Variants in P4HA1 observed in about 807,000 individuals in gnomAD.
P4HA1 encodes the protein prolyl 4-hydroxylase subunit alpha-1.
P4HA1 carries 24 observed loss-of-function variants against 72.8 expected under a neutral mutation model. The ratio of observed to expected loss-of-function variants is 0.33; its 90% CI spans 0.24 to 0.46. The LOEUF (loss-of-function observed/expected upper bound fraction) is 0.46. P4HA1 is among the 20% of genes least tolerant of loss of function. P4HA1 has a pLI of 1.00. For missense variants in P4HA1, 446 were observed against 640.6 expected (o/e 0.70, Z 3.28); for synonymous variants, 201 against 218.8 (o/e 0.92, Z 0.72).
At chr10:73,078,072 A>G (rs1841741934) in intron 1 of P4HA1, among the ~76,000 whole-genome samples, 1 of 150,884 alleles carries the variant, frequency 6.6e-6, no homozygotes, top group East Asian at 1.9e-4. Context: ...ATGTGTCAAA[A>G]AAAAAAAAAA....
intron 7 of P4HA1, among the ~76,000 whole-genome samples, chr10:73,050,183 T>A (rs1840985909): frequency 6.9e-6 from 1 of 145,512 alleles, no homozygotes. Context: ...AAAAAAAAAA[T>A]ACTGCTGAAA....
chr10:73,059,023 C>T (rs2133109863), intron 5 of P4HA1, among the ~76,000 whole-genome samples: 1 of 152,024 alleles, frequency 6.6e-6, no homozygotes, highest in East Asian at 1.9e-4. Flanking sequence ...GGTGATCCAC[C>T]CACCTTGGCC....
intron 1 of P4HA1, among the ~76,000 whole-genome samples, chr10:73,095,829 T>C (rs1842152616): frequency 6.6e-6 from 1 of 152,210 alleles, no homozygotes; most frequent in South Asian, 2.1e-4. Flanking sequence ...GTCTAAACAT[T>C]GAATTTGTAT....
At chr10:73,090,361 T>G (rs922704416) in intron 1 of P4HA1, among the ~76,000 whole-genome samples, 1 of 151,868 alleles carries the variant, frequency 6.6e-6, no homozygotes, top group Non-Finnish European at 1.5e-5. Flanking sequence ...CTGGAACTCC[T>G]GGGCTCAAGC....
chr10:73,010,934 A>T (rs1589569041), intron 13 of P4HA1, 35 bp downstream of exon 13: 2 of 1,540,606 alleles, frequency 1.3e-6, no homozygotes, highest in East Asian at 4.5e-5. Flanking sequence ...TTAGGGAAAA[A>T]ATTAATAAAC....
At chr10:73,071,608 C>T (rs1841568160) in intron 4 of P4HA1, among the ~76,000 whole-genome samples, 1 of 151,878 alleles carries the variant, frequency 6.6e-6, no homozygotes, top group South Asian at 2.1e-4. Flanking sequence ...TTTGATTGTC[C>T]ACATTGAGCA....
At chr10:73,050,820 T>C (rs1841002102) in intron 7 of P4HA1, among the ~76,000 whole-genome samples, 1 of 152,060 alleles carries the variant, frequency 6.6e-6, no homozygotes, top group Admixed American at 6.6e-5. Flanking sequence ...TCCTCCCACC[T>C]CAGACTCCTG....
At chr10:73,095,312 T>C (rs1329344316) in intron 1 of P4HA1, among the ~76,000 whole-genome samples, 1 of 151,726 alleles carries the variant, frequency 6.6e-6, no homozygotes, top group Non-Finnish European at 1.5e-5. Context: ...GGTTGTTCAC[T>C]TTCAGCTTCT....
In P4HA1 at chr10:73,035,352, C is replaced by CA. The variant is rs574570098; in HGVS notation, c.1149-4983dup. ...GAAACATAGCAAGACCCCGTCTTTA[C>CA]AAAAAAAATTAAAATAAATTAATGA... is the stretch of plus-strand genomic sequence containing the variant. On this transcript the variant is annotated intron_variant, in intron 9 of 14. Transcript: ENST00000394890. 1.5e-4 allele frequency among the ~76,000 whole-genome samples: 23 copies of CA among 151,794 alleles called. No individual in the cohort carries two copies. In the South Asian group the frequency reaches 4.8e-3, roughly 32 times the overall value.
rs1467434191 is a variant in P4HA1, at chr10:73,059,415, CAATAT to C, written c.464-5830_464-5826del. ...GACAACCCCGGGCAAAATAATGAGA[CAATAT>C]ATTTAAAAAAAAAAAAAAAAAAAAA... On this transcript the variant is annotated intron_variant, in intron 5 of 14. Transcript: ENST00000394890. Among the ~76,000 whole-genome samples the C allele has an allele frequency of 4.1e-3, 158 of 38,488 alleles. 2 individuals are homozygous for C. Among genetic ancestry groups the C allele is most frequent in the African/African-American group, 0.014 (151 of 10,882 alleles). 25.2% of individuals were successfully genotyped at this position (38,488 alleles called of 152,430 possible).
At chr10:73,094,554 T>C (rs1331589349) in intron 1 of P4HA1, among the ~76,000 whole-genome samples, 1 of 152,190 alleles carries the variant, frequency 6.6e-6, no homozygotes, top group African/African-American at 2.4e-5. Flanking sequence ...TCAAGAGCAA[T>C]AATTATATCC....
chr10:73,088,029 A>ATT (rs1460046123), intron 1 of P4HA1, among the ~76,000 whole-genome samples: 1 of 152,140 alleles, frequency 6.6e-6, no homozygotes, highest in East Asian at 1.9e-4. Flanking sequence ...TCTTTCAAAT[A>ATT]TTTTATAGCT....
intron 9 of P4HA1, among the ~76,000 whole-genome samples, chr10:73,037,326 A>AAG: frequency 6.7e-6 from 1 of 149,264 alleles, no homozygotes; most frequent in East Asian, 2.0e-4. Context: ...AAAAAAAAAA[A>AAG]CTTCATGATT....
intron 4 of P4HA1, among the ~76,000 whole-genome samples, chr10:73,070,841 C>A (rs929604017): frequency 6.6e-6 from 1 of 152,070 alleles, no homozygotes; most frequent in Middle Eastern, 3.2e-3. Flanking sequence ...CATTATAAAA[C>A]AACTTAGTTC....
Position 73,046,896 on chromosome 10 carries a change from T to A in P4HA1, c.1077+29A>T, listed in dbSNP as rs567978010. On this transcript the variant is annotated intron_variant, in intron 8 of 14. Coordinates refer to ENST00000394890, the MANE Select transcript of P4HA1 (RefSeq NM_001017962.3). ...AAATTGATACAAAGGTACAGTAAAT[T>A]GAGGAGAAAGAAAGAAAACATTATT... 8.1e-6 allele frequency: 12 copies of A among 1,487,538 alleles called. No homozygotes were observed. In the South Asian group the frequency reaches 1.4e-4, roughly 18 times the overall value. 92.1% of individuals were successfully genotyped at this position (1,487,538 alleles called of 1,614,324 possible). A position where few individuals can be genotyped will look rare whatever the true frequency, so the allele number is the denominator to read the frequency against.
rs1182326290 is a variant in P4HA1 at position 73,033,824 on chromosome 10, A to G, written c.1149-3454T>C. Among the ~76,000 whole-genome samples the G allele has an allele frequency of 2.6e-5, 4 of 152,226 alleles. No homozygotes were observed. In the East Asian group the frequency reaches 5.8e-4, roughly 22 times the overall value. ...AATCTTTGTGACGTTGGACGAAGCAATGGTTTAGCTATGACATCAAAAGTA... is the reference window on the plus strand; with the variant it reads ...AATCTTTGTGACGTTGGACGAAGCAGTGGTTTAGCTATGACATCAAAAGTA... On this transcript the variant is annotated intron_variant, in intron 9 of 14. Coordinates refer to ENST00000394890, the MANE Select transcript of P4HA1 (RefSeq NM_001017962.3).
intron 7 of P4HA1, among the ~76,000 whole-genome samples, chr10:73,047,991 G>A (rs1840914333): frequency 6.6e-6 from 1 of 152,114 alleles, no homozygotes; most frequent in African/African-American, 2.4e-5. Flanking sequence ...GGTAGAGGTT[G>A]CAGTGAGCCA....
chr10:73,089,710 TAA>T (rs10700344), intron 1 of P4HA1, among the ~76,000 whole-genome samples: 26 of 95,838 alleles, frequency 2.7e-4, no homozygotes, highest in Non-Finnish European at 4.0e-4. Context: ...TTCCCCGTGC[TAA>T]AAAAAAAAAA....
chr10:73,029,641 A>ATT (rs143810789), intron 10 of P4HA1, among the ~76,000 whole-genome samples: 21,084 of 151,064 alleles, frequency 0.14, 2,314 homozygotes, highest in African/African-American at 0.29. Context: ...GCCTATGCTT[A>ATT]GTTTTTTTTT....
Sources: allele counts gnomAD v4.1 joint callset (sites outside exome capture counted in the v4.1 genomes callset), GRCh38; gene constraint gnomAD v4.1.1; transcripts MANE v1.5; gene names NCBI Gene and HGNC (gene_info 2026-07-23, HGNC 2026-07-21).